Variants in DAAM2 observed in about 807,000 individuals in gnomAD.
DAAM2 encodes the protein dishevelled associated activator of morphogenesis 2, also known as disheveled-associated activator of morphogenesis 2.
Under a neutral mutation model 120.7 loss-of-function variants are expected in DAAM2, and 39 were observed. The ratio of observed to expected loss-of-function variants is 0.32; its 90% CI spans 0.25 to 0.42. The LOEUF (loss-of-function observed/expected upper bound fraction) is 0.42, where lower values mean the gene tolerates loss of function less well. Ranked by LOEUF, DAAM2 falls within the 10% of genes least tolerant of loss-of-function variation. The probability of loss-of-function intolerance (pLI) is 1.00; values close to 1 mark genes in which losing one functional copy is unlikely to be tolerated. For missense variants in DAAM2, 1,283 were observed against 1,401.7 expected (o/e 0.92, Z 1.35); for synonymous variants, 488 against 524.9 (o/e 0.93, Z 0.96).
intron 1 of DAAM2, among the ~76,000 whole-genome samples, chr6:39,797,647 A>G (rs1043700821): frequency 1.3e-5 from 2 of 152,216 alleles, no homozygotes; most frequent in African/African-American, 2.4e-5. Flanking sequence ...TAAGCTTCCC[A>G]GGTGATCTGA....
intron 1 of DAAM2, among the ~76,000 whole-genome samples, chr6:39,827,455 G>C (rs114006165): frequency 6.6e-6 from 1 of 151,910 alleles, no homozygotes; most frequent in Non-Finnish European, 1.5e-5. Flanking sequence ...GAAGTGGGGC[G>C]GGGGTAGTCT....
At chr6:39,883,251 A>G (rs1280638277) in intron 14 of DAAM2, among the ~76,000 whole-genome samples, 2 of 150,892 alleles carry the variant, frequency 1.3e-5, no homozygotes, top group African/African-American at 4.9e-5. Flanking sequence ...TCCTACACAG[A>G]GATGGGGCAA....
chr6:39,853,039 T>C lies in DAAM2; in HGVS notation c.-56-3208T>C, dbSNP rs140019093. Among the ~76,000 whole-genome samples the C allele has an allele frequency of 4.1e-3, 628 of 152,180 alleles. 1 individual carries two copies. The highest frequency in any genetic ancestry group is 0.01 in the Middle Eastern group (3 of 294). The stretch of plus-strand genomic sequence containing the variant: ...GGCTATGGGGGAGCTGAAGGCAAGG[T>C]AAGAAAAGCCCATTGACAGGGAAGA... On this transcript the variant is annotated intron_variant, in intron 1 of 24. Coordinates refer to ENST00000274867, the MANE Select transcript of DAAM2 (RefSeq NM_001201427.2).
At chr6:39,817,928 C>A (rs1762355985) in intron 1 of DAAM2, among the ~76,000 whole-genome samples, 1 of 152,026 alleles carries the variant, frequency 6.6e-6, no homozygotes, top group East Asian at 1.9e-4. Context: ...CCTGTAATCC[C>A]AGCACTTTGG....
intron 1 of DAAM2, among the ~76,000 whole-genome samples, chr6:39,828,570 C>CTTTTTT (rs1430820441): frequency 1.2e-4 from 17 of 142,534 alleles, no homozygotes; most frequent in Non-Finnish European, 1.1e-4. Flanking sequence ...CCCCCTCCGT[C>CTTTTTT]TTTTTTTTTT....
intron 1 of DAAM2, among the ~76,000 whole-genome samples, chr6:39,841,709 G>C (rs1763347990): frequency 6.6e-6 from 1 of 152,068 alleles, no homozygotes; most frequent in African/African-American, 2.4e-5. Flanking sequence ...AATCGGGGTA[G>C]AGCTTGCAAG....
intron 15 of DAAM2, chr6:39,885,747 T>C (rs1765347978): frequency 6.6e-6 from 1 of 152,256 alleles, no homozygotes; most frequent in Non-Finnish European, 1.5e-5. Flanking sequence ...GAGGCCGTAT[T>C]AACCTTGTTG....
At chr6:39,819,388 C>G (rs1762412480) in intron 1 of DAAM2, 1 of 152,174 alleles carries the variant, frequency 6.6e-6, no homozygotes, top group Non-Finnish European at 1.5e-5. Flanking sequence ...CTTACCTCCT[C>G]CAGTACTAAC....
chr6:39,830,829 G>A (rs932034009), intron 1 of DAAM2, among the ~76,000 whole-genome samples: 1 of 152,186 alleles, frequency 6.6e-6, no homozygotes, highest in Non-Finnish European at 1.5e-5. Context: ...CTGGATAGCT[G>A]CCAGTGGCCC....
chr6:39,875,281 A>C, intron 10 of DAAM2, 49 bp from the exon 11 acceptor site: 1 of 1,590,082 alleles, frequency 6.3e-7, no homozygotes, highest in Admixed American at 1.7e-5. Context: ...GGTGGGGCCC[A>C]AGGGGGACTT....
chr6:39,830,128 GCA>G (rs1762823560), intron 1 of DAAM2, among the ~76,000 whole-genome samples: 1 of 152,202 alleles, frequency 6.6e-6, no homozygotes, highest in Non-Finnish European at 1.5e-5. Context: ...ATCCTACAGT[GCA>G]CAGTGTCTGG....
chr6:39,800,438 A>G (rs868243510), intron 1 of DAAM2, among the ~76,000 whole-genome samples: 2 of 152,192 alleles, frequency 1.3e-5, no homozygotes, highest in African/African-American at 4.8e-5. Flanking sequence ...AGGATGATCA[A>G]TGAGATTGGA....
chr6:39,858,091 G>A (rs1166763912), intron 2 of DAAM2, among the ~76,000 whole-genome samples: 1 of 152,020 alleles, frequency 6.6e-6, no homozygotes, highest in African/African-American at 2.4e-5. Context: ...ATGACAGAGG[G>A]TCTCCTGCAG....
At chr6:39,814,255 ATTC>A (rs756200742) in intron 1 of DAAM2, among the ~76,000 whole-genome samples, 17 of 150,086 alleles carry the variant, frequency 1.1e-4, no homozygotes, top group African/African-American at 2.2e-4. Context: ...GCCCAAGACA[ATTC>A]TTCTTCTTCC....
chr6:39,815,372 A>T (rs922719995), intron 1 of DAAM2, among the ~76,000 whole-genome samples: 1 of 152,128 alleles, frequency 6.6e-6, no homozygotes, highest in South Asian at 2.1e-4. Context: ...TGAGATTTCA[A>T]TTCTGTCTCT....
intron 11 of DAAM2, among the ~76,000 whole-genome samples, chr6:39,877,345 C>T (rs1764914791): frequency 6.6e-6 from 1 of 152,170 alleles, no homozygotes; most frequent in South Asian, 2.1e-4. Flanking sequence ...AGTAGGGCCC[C>T]AGTCTACCCT....
rs561512895 is a variant in DAAM2 at position 39,875,377 on chromosome 6, A to G, written c.1210A>G (p.Ile404Val). The G allele has an allele frequency of 1.7e-5, 27 of 1,613,942 alleles. No individual in the cohort carries two copies. In the South Asian group the frequency reaches 2.6e-4, roughly 16 times the overall value. The change falls in exon 11 of 25, where the codon ATC becomes GTC. Residue 404 changes from isoleucine to valine, a missense_variant. Ile to Val is a conservative substitution (Grantham distance 29, BLOSUM62 3). This residue lies in a region of DAAM2 where 338 missense variants were observed against 443.9 expected (regional missense o/e 0.76). Coordinates refer to ENST00000274867, the MANE Select transcript of DAAM2 (RefSeq NM_001201427.2). ...YFQQWQLLDR[I>V]LQQIVLQDER... ...CCAGCAGTGGCAGCTCCTGGACCGC[A>G]TCCTCCAGCAGATTGTCCTCCAGGA... is the stretch of plus-strand genomic sequence containing the variant.
chr6:39,839,230 C>T (rs775603079), intron 1 of DAAM2, among the ~76,000 whole-genome samples: 22 of 151,778 alleles, frequency 1.4e-4, no homozygotes, highest in Non-Finnish European at 1.8e-4. Flanking sequence ...AAAATTCTGG[C>T]GAAAAAAGAG....
Position 39,856,385 on chromosome 6 carries a change from G to T in DAAM2, c.83G>T (p.Arg28Leu). 2 of 1,552,146 alleles carry T rather than the reference G, an allele frequency of 1.3e-6. No individual in the cohort carries two copies. Among genetic ancestry groups the T allele is most frequent in the South Asian group, 1.2e-5 (1 of 82,618 alleles). ...GGSDIPEINL[R>L]DNHPLQFMEF... ...AGTGACATCCCCGAAATCAACCTCC[G>T]GGACAACCACCCTCTGCAGTTCATG... Residue 28 changes from arginine (R) to leucine (L), a missense_variant, in exon 2 of 25, where the codon CGG (arginine) becomes CTG (leucine). Around this residue, in one of 3 missense-constraint regions of DAAM2, gnomAD observed 197 missense variants for 189.3 expected, o/e 1.04. Coordinates refer to ENST00000274867, the MANE Select transcript of DAAM2 (RefSeq NM_001201427.2).
Sources: allele counts gnomAD v4.1 joint callset (sites outside exome capture counted in the v4.1 genomes callset), GRCh38; gene constraint gnomAD v4.1.1; regional missense constraint gnomAD v4.1.1; transcripts MANE v1.5; gene names NCBI Gene and HGNC (gene_info 2026-07-23, HGNC 2026-07-21).